LRRC4C: variants seen among roughly 807,000 people sequenced by gnomAD.
LRRC4C encodes leucine rich repeat containing 4C.
A neutral mutation model predicts 33.6 loss-of-function variants in LRRC4C; 5 were observed. That is an observed-to-expected ratio of 0.15 (90% confidence interval 0.08 to 0.31). The LOEUF is 0.31. LRRC4C is among the 10% of genes least tolerant of loss of function. The pLI is 1.00. For synonymous variants in LRRC4C, 329 were observed against 302.0 expected (o/e 1.09, Z -0.93); for missense variants, 560 against 796.7 (o/e 0.70, Z 3.58).
At chr11:41,117,980 A>G (rs1056912089) in intron 1 of LRRC4C, among the ~76,000 whole-genome samples, 1 of 152,198 alleles carries the variant, frequency 6.6e-6, no homozygotes, top group Non-Finnish European at 1.5e-5. Context: ...TTTAAATGTT[A>G]AAGGTGACTG....
At chr11:41,258,657 A>G (rs1201975855) in intron 1 of LRRC4C, among the ~76,000 whole-genome samples, 1 of 152,052 alleles carries the variant, frequency 6.6e-6, no homozygotes, top group Non-Finnish European at 1.5e-5. Flanking sequence ...AAGGAACTCA[A>G]TAAATTTTAG....
intron 2 of LRRC4C, among the ~76,000 whole-genome samples, chr11:40,807,783 A>G (rs914838113): frequency 3.9e-5 from 6 of 152,316 alleles, no homozygotes; most frequent in African/African-American, 9.6e-5. Flanking sequence ...GAAAATCAAC[A>G]TGCTATTCTA....
rs77934711 is a variant in LRRC4C at position 40,382,123 on chromosome 11, A to ATTTTTTTTTTTTT, written c.-269-62415_-269-62403dup. Reference sequence around the variant, plus strand: ...AGGCGCCCACCACTATGCCCGGCTAATTTTTTTTTTTTTTTTTTTTTTTTT... The same window carrying ATTTTTTTTTTTTT: ...AGGCGCCCACCACTATGCCCGGCTAATTTTTTTTTTTTTTTTTTTTTTTTTTTTTTTTTTTTTT... On this transcript the variant is annotated intron_variant, in intron 3 of 6. Coordinates refer to ENST00000528697, the MANE Select transcript of LRRC4C (RefSeq NM_001258419.2). Among the ~76,000 whole-genome samples the ATTTTTTTTTTTTT allele has an allele frequency of 2.6e-4, 26 of 99,982 alleles. 1 individual carries two copies. Among genetic ancestry groups the ATTTTTTTTTTTTT allele is most frequent in the East Asian group, 6.0e-4 (2 of 3,344 alleles). The allele number at this position is 99,982 out of a possible 152,430, so 65.6% of individuals were successfully genotyped here. A position where few individuals can be genotyped will look rare whatever the true frequency, so the allele number is the denominator to read the frequency against.
At chr11:40,413,292 CA>C (rs1419703943) in intron 3 of LRRC4C, among the ~76,000 whole-genome samples, 2 of 151,936 alleles carry the variant, frequency 1.3e-5, no homozygotes, top group African/African-American at 2.4e-5. Flanking sequence ...ACAAGGCAAT[CA>C]AAGGAAAGAG....
At position 40,725,514 on chromosome 11, in the gene LRRC4C, T is replaced by TA. The variant is rs1371677133; in HGVS notation, c.-406-77237dup. On this transcript the variant is annotated intron_variant, in intron 2 of 6. Transcript: ENST00000528697. ...CTGGACAAAAGAGCGAGACTCTGTT[T>TA]AAAAAAAAAAAAAAGAAGAAGAACT... 5.4e-3 allele frequency among the ~76,000 whole-genome samples: 745 copies of TA among 138,672 alleles called. 6 individuals are homozygous for TA. The highest frequency in any genetic ancestry group is 0.016 in the African/African-American group (612 of 37,678). 91.0% of individuals were successfully genotyped at this position (138,672 alleles called of 152,430 possible).
At chr11:41,120,483 G>T (rs1942366160) in intron 1 of LRRC4C, among the ~76,000 whole-genome samples, 1 of 152,162 alleles carries the variant, frequency 6.6e-6, no homozygotes, top group African/African-American at 2.4e-5. Flanking sequence ...AACTTGGCCA[G>T]TGGAGGCACT....
intron 3 of LRRC4C, among the ~76,000 whole-genome samples, chr11:40,376,929 C>T (rs1462463351): frequency 6.6e-6 from 1 of 152,130 alleles, no homozygotes; most frequent in East Asian, 1.9e-4. Flanking sequence ...GCTTCCAACT[C>T]ATATATCATG....
intron 3 of LRRC4C, among the ~76,000 whole-genome samples, chr11:40,360,317 A>G (rs1947889618): frequency 6.6e-6 from 1 of 152,168 alleles, no homozygotes; most frequent in Non-Finnish European, 1.5e-5. Flanking sequence ...GAGAGGGGCA[A>G]GTAGCAAAGA....
chr11:41,203,027 C>CAA (rs1946462558), intron 1 of LRRC4C, among the ~76,000 whole-genome samples: 1 of 152,194 alleles, frequency 6.6e-6, no homozygotes, highest in South Asian at 2.1e-4. Flanking sequence ...CTCAGGTGAT[C>CAA]CACCCGCCTC....
chr11:40,434,093 A>G (rs1951045382), intron 3 of LRRC4C, among the ~76,000 whole-genome samples: 1 of 152,142 alleles, frequency 6.6e-6, no homozygotes, highest in Admixed American at 6.5e-5. Context: ...AGAATTTAGC[A>G]AATCTTTCAA....
intron 1 of LRRC4C, among the ~76,000 whole-genome samples, chr11:40,957,445 T>G (rs1485169479): frequency 6.6e-6 from 1 of 151,734 alleles, no homozygotes; most frequent in African/African-American, 2.4e-5. Context: ...TTTCTCTCTT[T>G]CCATCACCCA....
chr11:40,936,979 T>C (rs899984799), intron 1 of LRRC4C, among the ~76,000 whole-genome samples: 4 of 152,128 alleles, frequency 2.6e-5, no homozygotes, highest in Non-Finnish European at 5.9e-5. Context: ...TCATGATAAA[T>C]TAAAAACAAA....
intron 2 of LRRC4C, among the ~76,000 whole-genome samples, chr11:40,710,698 A>T (rs2136583058): frequency 6.6e-6 from 1 of 152,242 alleles, no homozygotes; most frequent in East Asian, 1.9e-4. Flanking sequence ...CAGAGCTCAA[A>T]CACTCTGCTG....
chr11:40,563,989 T>C (rs1957655856), intron 3 of LRRC4C, among the ~76,000 whole-genome samples: 1 of 152,148 alleles, frequency 6.6e-6, no homozygotes, highest in African/African-American at 2.4e-5. Context: ...GGGGATATGC[T>C]AGGCCTGATA....
chr11:41,325,577 T>TTTTTTTGTG (rs202169756), intron 1 of LRRC4C, among the ~76,000 whole-genome samples: 1 of 104,162 alleles, frequency 9.6e-6, no homozygotes, highest in Admixed American at 1.0e-4. Flanking sequence ...TTTTTTTTTT[T>TTTTTTTGTG]TGTGTGTGTG....
At chr11:41,434,480 T>C (rs1435880695) in intron 1 of LRRC4C, among the ~76,000 whole-genome samples, 1 of 152,174 alleles carries the variant, frequency 6.6e-6, no homozygotes, top group East Asian at 1.9e-4. Flanking sequence ...TTTTTGTATC[T>C]GCGAAATAAT....
intron 2 of LRRC4C, among the ~76,000 whole-genome samples, chr11:40,714,074 C>T (rs1403406290): frequency 6.6e-6 from 1 of 152,104 alleles, no homozygotes; most frequent in East Asian, 1.9e-4. Context: ...TTGAAATGAT[C>T]CATATGATGC....
In LRRC4C at chr11:41,383,823, A is replaced by C. The variant is rs539420273; in HGVS notation, c.-496+75608T>G. ...AGGCAGACTAGAAAAAAAAAATTCC[A>C]ACTCTTTGTTGTTTATAAGAGATTT... On this transcript the variant is annotated intron_variant, in intron 1 of 6. Coordinates refer to ENST00000528697, the MANE Select transcript of LRRC4C (RefSeq NM_001258419.2). Among the ~76,000 whole-genome samples the C allele has an allele frequency of 1.2e-4, 18 of 152,074 alleles. No homozygotes were observed. In the East Asian group the frequency reaches 3.5e-3, roughly 29 times the overall value.
intron 2 of LRRC4C, among the ~76,000 whole-genome samples, chr11:40,790,087 A>G (rs767076542): frequency 6.6e-6 from 1 of 152,248 alleles, no homozygotes; most frequent in Non-Finnish European, 1.5e-5. Context: ...TCCTTACATC[A>G]TAATAAAGAT....
Sources: gnomAD v4.1 joint callset for allele counts (sites outside exome capture counted in the v4.1 genomes callset) on GRCh38, gnomAD v4.1.1 for gene constraint, MANE v1.5 for transcripts, NCBI Gene and HGNC (gene_info 2026-07-23, HGNC 2026-07-21) for gene names.